The following CSMD1 variants were observed in gnomAD, a reference collection of about 807,000 sequenced individuals.
The protein encoded by CSMD1 is CUB and sushi domain-containing protein 1.
A neutral mutation model predicts 417.5 loss-of-function variants in CSMD1; 213 were observed. The ratio of observed to expected loss-of-function variants is 0.51; its 90% confidence interval spans 0.46 to 0.57. The LOEUF is 0.57. Ranked by LOEUF, CSMD1 falls within the 20% of genes least tolerant of loss-of-function variation. The pLI is 0.00. For synonymous variants in CSMD1, 2,862 were observed against 1,736.8 expected (o/e 1.65, Z -16.11); for missense variants, 6,923 against 4,529.7 (o/e 1.53, Z -15.17).
chr8:4,465,028 G>C (rs368337120), intron 2 of CSMD1, among the ~76,000 whole-genome samples: 1 of 151,938 alleles, frequency 6.6e-6, no homozygotes, highest in East Asian at 1.9e-4. Context: ...GAAGAAAATA[G>C]GAAAAAAGGG....
intron 1 of CSMD1, among the ~76,000 whole-genome samples, chr8:4,729,365 G>T (rs1053267057): frequency 6.6e-6 from 1 of 152,162 alleles, no homozygotes; most frequent in Non-Finnish European, 1.5e-5. Flanking sequence ...ATTGCAGTAG[G>T]TTCAAGAGAG....
At chr8:3,024,547 T>C (rs777194130) in intron 51 of CSMD1, among the ~76,000 whole-genome samples, 9 of 152,204 alleles carry the variant, frequency 5.9e-5, no homozygotes, top group Non-Finnish European at 8.8e-5. Context: ...CCTCAGGTGA[T>C]CCACTCGCCT....
intron 5 of CSMD1, among the ~76,000 whole-genome samples, chr8:3,936,985 A>G (rs1810542167): frequency 6.6e-6 from 1 of 152,180 alleles, no homozygotes; most frequent in Non-Finnish European, 1.5e-5. Flanking sequence ...GTTGATTTCA[A>G]TCCTCGTGAA....
intron 2 of CSMD1, among the ~76,000 whole-genome samples, chr8:4,622,450 G>C (rs147442544): frequency 1.2e-4 from 19 of 152,220 alleles, no homozygotes; most frequent in African/African-American, 4.3e-4. Context: ...ATTGTCACTG[G>C]ATACCCTGCA....
chr8:3,156,145 T>C (rs181430778), intron 39 of CSMD1, among the ~76,000 whole-genome samples: 6 of 152,344 alleles, frequency 3.9e-5, no homozygotes, highest in Admixed American at 2.6e-4. Flanking sequence ...CTGTGGCCTT[T>C]AAAATAGCTA....
intron 49 of CSMD1, among the ~76,000 whole-genome samples, chr8:3,069,563 C>T (rs539016749): frequency 1.3e-5 from 2 of 152,318 alleles, no homozygotes; most frequent in East Asian, 3.9e-4. Flanking sequence ...ATCCAGGGCA[C>T]ACCACTACAA....
chr8:3,706,510 TA>T (rs1801177042), intron 7 of CSMD1, among the ~76,000 whole-genome samples: 1 of 152,148 alleles, frequency 6.6e-6, no homozygotes, highest in Admixed American at 6.5e-5. Flanking sequence ...TTAATACCGT[TA>T]AAAGAAAGGA....
rs564408248 is a variant in CSMD1, at chr8:4,441,986, A to G, written c.303-21921T>C. The stretch of plus-strand genomic sequence containing the variant: ...CCAAATGTTCCGAAAACCAAATAAT[A>G]AAAGGTAGACTTGCCCTGAGTCATT... On this transcript the variant is annotated intron_variant, in intron 2 of 69. Coordinates refer to ENST00000635120, the MANE Select transcript of CSMD1 (RefSeq NM_033225.6). Among the ~76,000 whole-genome samples the G allele has an allele frequency of 1.5e-3, 235 of 152,318 alleles. 1 individual carries two copies. The highest frequency in any genetic ancestry group is 2.9e-3 in the Non-Finnish European group (198 of 68,032).
chr8:4,279,568 T>C (rs1239604107), intron 3 of CSMD1, among the ~76,000 whole-genome samples: 1 of 152,212 alleles, frequency 6.6e-6, no homozygotes, highest in Non-Finnish European at 1.5e-5. Context: ...ACACTGATTC[T>C]GCAGACACGG....
At chr8:4,844,029 G>C (rs1354918259) in intron 1 of CSMD1, among the ~76,000 whole-genome samples, 2 of 152,164 alleles carry the variant, frequency 1.3e-5, no homozygotes, top group African/African-American at 4.8e-5. Context: ...TCAGCCTGTA[G>C]ACTACGGTCA....
chr8:3,468,555 C>T (rs548616613), intron 12 of CSMD1, among the ~76,000 whole-genome samples, 157 bp downstream of exon 12: 24 of 152,248 alleles, frequency 1.6e-4, no homozygotes, highest in Admixed American at 5.2e-4. Flanking sequence ...TTCACGAAAG[C>T]GAGTGTTAGT....
intron 13 of CSMD1, among the ~76,000 whole-genome samples, chr8:3,408,723 G>C (rs112419836): frequency 0.018 from 2,806 of 151,994 alleles, 89 homozygotes; most frequent in African/African-American, 0.065. Context: ...GGAAACATCA[G>C]ATCATGTTCT....
chr8:4,470,863 G>A (rs1253927340), intron 2 of CSMD1, among the ~76,000 whole-genome samples: 1 of 152,144 alleles, frequency 6.6e-6, no homozygotes, highest in Admixed American at 6.5e-5. Context: ...TTTGAGTTAT[G>A]TAAAACTGAA....
At chr8:4,384,897 C>A (rs565623338) in intron 3 of CSMD1, among the ~76,000 whole-genome samples, 1 of 152,292 alleles carries the variant, frequency 6.6e-6, no homozygotes, top group Admixed American at 6.5e-5. Context: ...TGACTATCAA[C>A]AGAGTGGCTG....
At chr8:3,296,006 C>G (rs1480884742) in intron 25 of CSMD1, among the ~76,000 whole-genome samples, 5 of 152,054 alleles carry the variant, frequency 3.3e-5, no homozygotes, top group African/African-American at 1.2e-4. Flanking sequence ...CAAACCACAG[C>G]ATCCACAATA....
At chr8:4,455,843 A>C (rs908690267) in intron 2 of CSMD1, among the ~76,000 whole-genome samples, 8 of 143,116 alleles carry the variant, frequency 5.6e-5, no homozygotes, top group African/African-American at 2.0e-4. Context: ...AGGCAAGATA[A>C]CTGCTTGAAC....
chr8:4,976,082 T>C (rs1041494450), intron 1 of CSMD1, among the ~76,000 whole-genome samples: 1 of 152,198 alleles, frequency 6.6e-6, no homozygotes, highest in Non-Finnish European at 1.5e-5. Context: ...GGTTGACACA[T>C]GTTCTCACCT....
intron 3 of CSMD1, among the ~76,000 whole-genome samples, chr8:4,301,191 T>G (rs150625135): frequency 2.1e-3 from 326 of 152,254 alleles, no homozygotes; most frequent in African/African-American, 7.1e-3. Context: ...CTCTCCTGGG[T>G]AGTGGTCTGC....
At chr8:3,182,915 GGTT>G (rs1563119910) in intron 36 of CSMD1, 20 of 68,318 alleles carry the variant, frequency 2.9e-4, no homozygotes, top group African/African-American at 9.1e-4. Flanking sequence ...GTAGAGAAGG[GGTT>G]GTTAGTAGAG....
Sources: gnomAD v4.1 joint callset for allele counts (sites outside exome capture counted in the v4.1 genomes callset) on GRCh38, gnomAD v4.1.1 for gene constraint, MANE v1.5 for transcripts, NCBI Gene and HGNC (gene_info 2026-07-23, HGNC 2026-07-21) for gene names.